APP: variants seen among roughly 807,000 people sequenced by gnomAD.
The protein encoded by APP is amyloid-beta precursor protein.
A neutral mutation model predicts 101.4 loss-of-function variants in APP; 31 were observed. The observed-to-expected ratio is 0.31, with a 90% confidence interval of 0.23 to 0.41. The LOEUF (loss-of-function observed/expected upper bound fraction) is 0.41. APP is among the 10% of genes least tolerant of loss of function. The probability of loss-of-function intolerance (pLI) is 1.00; values close to 1 mark genes in which losing one functional copy is unlikely to be tolerated. For missense variants in APP, 839 were observed against 1,003.7 expected (o/e 0.84, Z 2.22); for synonymous variants, 366 against 364.4 (o/e 1.00, Z -0.05).
At chr21:25,913,533 G>C (rs186340707) in intron 13 of APP, among the ~76,000 whole-genome samples, 2 of 152,100 alleles carry the variant, frequency 1.3e-5, no homozygotes, top group Admixed American at 1.3e-4. Flanking sequence ...TAAATCTTTT[G>C]CTTGTGACTG....
intron 15 of APP, among the ~76,000 whole-genome samples, chr21:25,899,528 C>T (rs1014619142): frequency 1.4e-4 from 22 of 152,050 alleles, no homozygotes; most frequent in Non-Finnish European, 2.4e-4. Context: ...GTTGTAGGGA[C>T]GCTCAAGCAG....
rs138452979 is a variant in APP, at chr21:26,009,115, T to C, written c.866-8933A>G. 1.4e-4 allele frequency among the ~76,000 whole-genome samples: 22 copies of C among 152,318 alleles called. No homozygotes were observed. The East Asian group carries it at 4.2e-3, about 29-fold the overall frequency. On this transcript the variant is annotated intron_variant, in intron 6 of 17. Transcript: ENST00000346798. ...CCTTATCTTTTAAATGCAATAGATA[T>C]GTCAAAACGTGAGACATAAGATTTA...
At chr21:25,890,882 A>C (rs760354164) in intron 17 of APP, among the ~76,000 whole-genome samples, 60 of 152,126 alleles carry the variant, frequency 3.9e-4, no homozygotes, top group Non-Finnish European at 6.9e-4. Context: ...TTCAGCTCTA[A>C]AAATTCCATA....
intron 6 of APP, among the ~76,000 whole-genome samples, chr21:26,015,860 C>G (rs2044032874): frequency 6.6e-6 from 1 of 152,172 alleles, no homozygotes; most frequent in Admixed American, 6.5e-5. Flanking sequence ...ATCTCTTTTG[C>G]GATCCTCAAC....
chr21:26,109,263 G>GTA (rs1434850993), intron 2 of APP, among the ~76,000 whole-genome samples: 1 of 152,218 alleles, frequency 6.6e-6, no homozygotes, highest in Non-Finnish European at 1.5e-5. Context: ...ATGTCGAATT[G>GTA]TAATTCCCAG....
chr21:26,146,329 A>G (rs1490539634), intron 1 of APP, among the ~76,000 whole-genome samples: 1 of 152,242 alleles, frequency 6.6e-6, no homozygotes, highest in African/African-American at 2.4e-5. Flanking sequence ...TCTGTTATCA[A>G]TTGACAGTAG....
chr21:25,959,205 C>T (rs562896519), intron 11 of APP, among the ~76,000 whole-genome samples: 3 of 152,198 alleles, frequency 2.0e-5, no homozygotes, highest in Non-Finnish European at 4.4e-5. Context: ...GAGGCCGAGG[C>T]GGGCAGGTCA....
At chr21:26,158,949 T>C (rs368196) in intron 1 of APP, among the ~76,000 whole-genome samples, 92,999 of 152,124 alleles carry the variant, frequency 0.61, 31,030 homozygotes, top group African/African-American at 0.89. Context: ...ACAGACTGAG[T>C]TACCTTTCTA....
At chr21:26,033,401 C>G (rs113339265) in intron 5 of APP, among the ~76,000 whole-genome samples, 8,529 of 152,248 alleles carry the variant, frequency 0.056, 800 homozygotes, top group African/African-American at 0.2. Context: ...CTGAGGCCTC[C>G]TCAGCCATGC....
intron 14 of APP, among the ~76,000 whole-genome samples, chr21:25,910,410 G>A (rs1266997940): frequency 1.3e-5 from 2 of 152,136 alleles, no homozygotes; most frequent in Non-Finnish European, 2.9e-5. Context: ...GATTACAGGC[G>A]TGACCCACGA....
intron 13 of APP, among the ~76,000 whole-genome samples, chr21:25,950,403 G>A (rs912789633): frequency 5.5e-5 from 8 of 144,702 alleles, no homozygotes; most frequent in Non-Finnish European, 7.5e-5. Context: ...TTTTGGAGAC[G>A]GAGTTTTGCT....
intron 17 of APP, among the ~76,000 whole-genome samples, chr21:25,883,639 G>C (rs2037137073): frequency 6.6e-6 from 1 of 152,238 alleles, no homozygotes; most frequent in Non-Finnish European, 1.5e-5. Flanking sequence ...GCTGCAGTGA[G>C]CCAAGATCGT....
Position 26,053,232 on chromosome 21 carries a change from G to C in APP, c.468+4C>G, listed in dbSNP as rs1193331621. 3.1e-6 allele frequency: 5 copies of C among 1,601,812 alleles called. No homozygotes were observed. Among genetic ancestry groups the C allele is most frequent in the Middle Eastern group, 1.7e-4 (1 of 6,038 alleles). ...GCAATAAGAAAGAATTTATGGGCTG[G>C]TACCTCTTTGGCGACGGTGTGCCAG... On this transcript the variant is annotated splice_donor_region_variant and intron_variant, in intron 4 of 17. Transcript: ENST00000346798.
chr21:26,166,927 GGTGTGT>G lies in APP; in HGVS notation c.57+3631_57+3636del, dbSNP rs10600074. On this transcript the variant is annotated intron_variant, in intron 1 of 17. Transcript: ENST00000346798. ...GAGAAAGAGAGAGAAAGAGACAGAGGGTGTGTGTGTGTGTGTGTGTGTGTGTCTGTC... is the reference window on the plus strand; with the variant it reads ...GAGAAAGAGAGAGAAAGAGACAGAGGGTGTGTGTGTGTGTGTGTGTCTGTC... 3.2e-3 allele frequency among the ~76,000 whole-genome samples: 470 copies of G among 148,618 alleles called. 2 individuals carry two copies. The highest frequency in any genetic ancestry group is 0.011 in the African/African-American group (442 of 40,044).
At chr21:25,952,377 T>G (rs1376842296) in intron 13 of APP, among the ~76,000 whole-genome samples, 2 of 24,276 alleles carry the variant, frequency 8.2e-5, no homozygotes, top group Non-Finnish European at 2.2e-4. Flanking sequence ...ACCTAATGGC[T>G]GTTTTTTTTT....
rs186454536 is a variant in APP at position 25,958,467 on chromosome 21, C to G, written c.1459-2712G>C. ...AATTTTTTTGTATTTTTAGTAGAGA[C>G]GGGGTTTCGCCATGTTAGCCAGGAT... is the stretch of plus-strand genomic sequence containing the variant. On this transcript the variant is annotated intron_variant, in intron 11 of 17. Coordinates refer to ENST00000346798, the MANE Select transcript of APP (RefSeq NM_000484.4). Among the ~76,000 whole-genome samples, 654 of 152,154 alleles carry G rather than the reference C, an allele frequency of 4.3e-3. 9 individuals are homozygous for G. The highest frequency in any genetic ancestry group is 0.014 in the African/African-American group (601 of 41,510).
rs146371039 is a variant in APP at position 25,893,966 on chromosome 21, G to A, written c.2065-2098C>T. Among the ~76,000 whole-genome samples, 1,199 of 152,302 alleles carry A rather than the reference G, an allele frequency of 7.9e-3. 7 individuals carry two copies. Among genetic ancestry groups the A allele is most frequent in the Middle Eastern group, 0.027 (8 of 294 alleles). On this transcript the variant is annotated intron_variant, in intron 16 of 17. Coordinates refer to ENST00000346798, the MANE Select transcript of APP (RefSeq NM_000484.4). The stretch of plus-strand genomic sequence containing the variant: ...CTTGTTAGGGGCTAATGCAGCTGGC[G>A]ACTTTGTTTTTGAAGCCAAGACTGA...
At position 26,166,719 on chromosome 21, in the gene APP, C is replaced by T. The variant is rs115595498; in HGVS notation, c.57+3845G>A. Among the ~76,000 whole-genome samples, 1,461 of 152,318 alleles carry T rather than the reference C, an allele frequency of 9.6e-3. 19 individuals carry two copies. The highest frequency in any genetic ancestry group is 0.033 in the African/African-American group (1,373 of 41,558). ...AAATGTGATTTTTCCCTATCCTCCT[C>T]GTTGCCACTGTTCATCTCATACTCT... On this transcript the variant is annotated intron_variant, in intron 1 of 17. Coordinates refer to ENST00000346798, the MANE Select transcript of APP (RefSeq NM_000484.4).
At chr21:26,057,102 G>C (rs990453169) in intron 3 of APP, among the ~76,000 whole-genome samples, 1 of 152,136 alleles carries the variant, frequency 6.6e-6, no homozygotes, top group African/African-American at 2.4e-5. Context: ...AACTTGCTGT[G>C]AACTTCCACT....
Sources: gnomAD v4.1 joint callset for allele counts (sites outside exome capture counted in the v4.1 genomes callset) on GRCh38, gnomAD v4.1.1 for gene constraint, MANE v1.5 for transcripts, NCBI Gene and HGNC (gene_info 2026-07-23, HGNC 2026-07-21) for gene names.